DNM3: variants seen among roughly 807,000 people sequenced by gnomAD.
DNM3 encodes the protein dynamin 3, also known as dynamin-3.
A neutral mutation model predicts 101.6 loss-of-function variants in DNM3; 47 were observed. That is an observed-to-expected ratio of 0.46 (90% CI 0.37 to 0.59). The LOEUF is 0.59. Among genes scored for constraint, DNM3 ranks in the 20% least tolerant of loss-of-function variants. DNM3 has a pLI of 0.00. For missense variants in DNM3, 849 were observed against 1,085.7 expected, an observed-to-expected ratio of 0.78 and a Z score of 3.06; for synonymous variants, 385 against 387.9, an observed-to-expected ratio of 0.99 and a Z score of 0.09.
At chr1:172,076,296 A>G (rs2052641542) in intron 11 of DNM3, among the ~76,000 whole-genome samples, 1 of 152,170 alleles carries the variant, frequency 6.6e-6, no homozygotes, top group Admixed American at 6.5e-5. Context: ...TTTTATTTGA[A>G]TATCCTTTAT....
chr1:172,047,593 A>G (rs1371397719), intron 9 of DNM3, among the ~76,000 whole-genome samples: 1 of 152,198 alleles, frequency 6.6e-6, no homozygotes, highest in Non-Finnish European at 1.5e-5. Flanking sequence ...ATATTGTACT[A>G]AACAGTTTGG....
At chr1:172,357,093 G>A (rs2067491241) in intron 17 of DNM3, among the ~76,000 whole-genome samples, 1 of 151,914 alleles carries the variant, frequency 6.6e-6, no homozygotes, top group African/African-American at 2.4e-5. Context: ...ATTATATGAA[G>A]GAGAAGGGAA....
chr1:172,304,223 C>A (rs1352990765), intron 15 of DNM3, among the ~76,000 whole-genome samples: 264 of 61,720 alleles, frequency 4.3e-3, no homozygotes, highest in Middle Eastern at 0.026. Context: ...AAAAAAAAAA[C>A]AGGAGTTGCA....
intron 14 of DNM3, chr1:172,131,744 C>T (rs138962370): frequency 3.1e-5 from 10 of 324,070 alleles, no homozygotes; most frequent in East Asian, 9.5e-5. Context: ...CTTTTAAGAA[C>T]GTCCACATCG....
At position 172,042,274 on chromosome 1, in the gene DNM3, G is replaced by A. The variant is rs371054933; in HGVS notation, c.1128+130G>A. The A allele has an allele frequency of 1.6e-5, 14 of 856,320 alleles. No homozygotes were observed. The South Asian group carries it at 4.2e-4, about 25-fold the overall frequency. 53.0% of individuals were successfully genotyped at this position (856,320 alleles called of 1,614,324 possible). ...CTTTGAACAAAACCTCCATATTCAG[G>A]TAATGAAATTCAGGAGAGGAATATG... On this transcript the variant is annotated intron_variant, in intron 8 of 20. Transcript: ENST00000627582.
At chr1:172,256,674 T>C (rs968766485) in intron 15 of DNM3, among the ~76,000 whole-genome samples, 6 of 152,086 alleles carry the variant, frequency 3.9e-5, no homozygotes, top group Non-Finnish European at 7.4e-5. Context: ...ATTCCAATAA[T>C]TTCTGTTCTC....
intron 20 of DNM3, among the ~76,000 whole-genome samples, chr1:172,394,962 G>A (rs568173947): frequency 3.9e-5 from 6 of 152,182 alleles, no homozygotes; most frequent in East Asian, 1.9e-4. Context: ...ACTGCACTTC[G>A]TTGTTTCCCT....
intron 1 of DNM3, among the ~76,000 whole-genome samples, chr1:171,853,208 G>A (rs1228201955): frequency 6.6e-6 from 1 of 151,928 alleles, no homozygotes; most frequent in East Asian, 1.9e-4. Flanking sequence ...CTGTCACCCA[G>A]GCTGGAGGGC....
In DNM3 at chr1:172,208,750, G is replaced by A. The variant is rs533506165; in HGVS notation, c.1660-44823G>A. Among the ~76,000 whole-genome samples, 19 of 152,120 alleles carry A rather than the reference G, an allele frequency of 1.2e-4. No individual in the cohort carries two copies. The East Asian group carries it at 3.1e-3, about 25-fold the overall frequency. ...GGAACAAGATGCTGCCTTCCTCTCCGCTACTCCTTGACACTGCTAGGCTTA... is the reference window on the plus strand; with the variant it reads ...GGAACAAGATGCTGCCTTCCTCTCCACTACTCCTTGACACTGCTAGGCTTA... On this transcript the variant is annotated intron_variant, in intron 14 of 20. Coordinates refer to ENST00000627582, the MANE Select transcript of DNM3 (RefSeq NM_015569.5).
chr1:172,110,222 T>C (rs1310252311), intron 13 of DNM3, among the ~76,000 whole-genome samples: 1 of 152,236 alleles, frequency 6.6e-6, no homozygotes, highest in Non-Finnish European at 1.5e-5. Context: ...TTCTTTTCCA[T>C]TATTGCCAAA....
intron 11 of DNM3, among the ~76,000 whole-genome samples, chr1:172,070,646 C>A (rs1464073235): frequency 6.6e-6 from 1 of 152,086 alleles, no homozygotes; most frequent in Non-Finnish European, 1.5e-5. Context: ...GCTCAGACTA[C>A]CTGAATTTGA....
intron 14 of DNM3, among the ~76,000 whole-genome samples, chr1:172,252,632 G>C (rs2062220778): frequency 6.6e-6 from 1 of 152,148 alleles, no homozygotes; most frequent in Non-Finnish European, 1.5e-5. Context: ...GTTAACAAGG[G>C]CAGCGCTTGT....
chr1:172,006,333 T>A (rs1282111848), intron 4 of DNM3, among the ~76,000 whole-genome samples: 1 of 152,086 alleles, frequency 6.6e-6, no homozygotes, highest in East Asian at 1.9e-4. Flanking sequence ...CTTTGACATA[T>A]CTGAAGAAGA....
At chr1:171,932,461 C>G (rs559847004) in intron 2 of DNM3, among the ~76,000 whole-genome samples, 4 of 151,994 alleles carry the variant, frequency 2.6e-5, no homozygotes, top group Admixed American at 2.0e-4. Context: ...ACTCCCCACC[C>G]ACCTCCTACC....
At chr1:172,016,279 A>G (rs2047448138) in intron 4 of DNM3, among the ~76,000 whole-genome samples, 1 of 151,886 alleles carries the variant, frequency 6.6e-6, no homozygotes, top group African/African-American at 2.4e-5. Flanking sequence ...GTTACCCTCT[A>G]TTTCTAGTTT....
chr1:172,335,894 A>G lies in DNM3; in HGVS notation c.1893+12554A>G, dbSNP rs566794657. The stretch of plus-strand genomic sequence containing the variant: ...TTTGGACCCCAAACCTCAGCATCAC[A>G]TAATATACTCATGTAACAAACCTGC... On this transcript the variant is annotated intron_variant, in intron 17 of 20. Transcript: ENST00000627582. Among the ~76,000 whole-genome samples the G allele has an allele frequency of 8.5e-5, 13 of 152,262 alleles. No individual in the cohort carries two copies. The South Asian group carries it at 2.1e-3, about 24-fold the overall frequency.
Position 172,221,784 on chromosome 1 carries a change from C to A in DNM3, c.1660-31789C>A, listed in dbSNP as rs182763155. ...TCTTTCTCTCTCCAATTCTGGGACT[C>A]CCCATTCCTCTTTCTGTGATTTATT... On this transcript the variant is annotated intron_variant, in intron 14 of 20. Coordinates refer to ENST00000627582, the MANE Select transcript of DNM3 (RefSeq NM_015569.5). Among the ~76,000 whole-genome samples, 34 of 152,244 alleles carry A rather than the reference C, an allele frequency of 2.2e-4. No individual in the cohort carries two copies. The East Asian group carries it at 5.8e-3, about 26-fold the overall frequency.
chr1:172,408,220 A>C lies in DNM3; in HGVS notation c.*379A>C. ...GATATGAGATAGTGGGCTTAGACCT[A>C]AGCCATACATATTTCTTTTCCCACA... On this transcript the variant is annotated 3_prime_UTR_variant, in exon 21 of 21. Coordinates refer to ENST00000627582, the MANE Select transcript of DNM3 (RefSeq NM_015569.5). 2 of 1,019,408 alleles carry C rather than the reference A, an allele frequency of 2.0e-6. No individual in the cohort carries two copies. The highest frequency in any genetic ancestry group is 2.4e-6 in the Non-Finnish European group (2 of 850,456). 63.1% of individuals were successfully genotyped at this position (1,019,408 alleles called of 1,614,324 possible).
intron 14 of DNM3, among the ~76,000 whole-genome samples, chr1:172,241,239 A>ATGTGTGTG (rs1262155821): frequency 0.37 from 54,134 of 148,198 alleles, 10,637 homozygotes; most frequent in East Asian, 0.49. Flanking sequence ...ATATACATAG[A>ATGTGTGTG]TGTGTGTGTG....
Sources: gnomAD v4.1 joint callset for allele counts (sites outside exome capture counted in the v4.1 genomes callset) on GRCh38, gnomAD v4.1.1 for gene constraint, MANE v1.5 for transcripts, NCBI Gene and HGNC (gene_info 2026-07-23, HGNC 2026-07-21) for gene names.